TTLL5: variants seen among roughly 807,000 people sequenced by gnomAD.
The protein encoded by TTLL5 is tubulin tyrosine ligase like 5.
TTLL5 carries 132 observed loss-of-function variants against 168.4 expected under a neutral mutation model. The ratio of observed to expected loss-of-function variants is 0.78; its 90% confidence interval spans 0.68 to 0.91. TTLL5 has a LOEUF of 0.91. TTLL5 is among the 40% of genes least tolerant of loss of function. The pLI is 0.00. For synonymous variants in TTLL5, 546 were observed against 558.6 expected (o/e 0.98, Z 0.32); for missense variants, 1,545 against 1,581.5 (o/e 0.98, Z 0.39).
intron 31 of TTLL5, among the ~76,000 whole-genome samples, chr14:75,942,973 G>A (rs753688652): frequency 2.0e-5 from 3 of 152,118 alleles, no homozygotes; most frequent in Admixed American, 6.5e-5. Context: ...AGTGTATAAA[G>A]ACAGTATTAT....
chr14:75,699,979 A>G (rs760623459), intron 7 of TTLL5, among the ~76,000 whole-genome samples: 14 of 152,210 alleles, frequency 9.2e-5, no homozygotes, highest in Non-Finnish European at 1.5e-4. Context: ...TATTGCATTT[A>G]CATCATGTCC....
At chr14:75,874,276 T>C (rs912154476) in intron 29 of TTLL5, among the ~76,000 whole-genome samples, 3 of 152,092 alleles carry the variant, frequency 2.0e-5, no homozygotes, top group African/African-American at 7.2e-5. Flanking sequence ...TATTATTTAG[T>C]AGAGGCGGGG....
chr14:75,870,131 C>G (rs1212688047), intron 29 of TTLL5, among the ~76,000 whole-genome samples: 3 of 151,592 alleles, frequency 2.0e-5, no homozygotes, highest in African/African-American at 7.3e-5. Context: ...CAAGTACTTA[C>G]TGACTCCGAT....
At chr14:75,683,931 G>T (rs934150704) in intron 5 of TTLL5, 3 of 289,648 alleles carry the variant, frequency 1.0e-5, no homozygotes, top group Non-Finnish European at 2.0e-5. Flanking sequence ...GCACCACCAT[G>T]CCCGGCTAAT....
intron 12 of TTLL5, chr14:75,727,891 AC>A (rs1277827387): frequency 2.1e-6 from 1 of 482,352 alleles, no homozygotes; most frequent in African/African-American, 1.9e-5. Flanking sequence ...AGGAAGCAGC[AC>A]AAGGAGTCCT....
In TTLL5 at chr14:75,882,882, A is replaced by G. The variant is rs1245336874; in HGVS notation, c.3720A>G (p.Ala1240=). 7.4e-5 allele frequency: 120 copies of G among 1,614,166 alleles called. No individual in the cohort carries two copies. Among genetic ancestry groups the G allele is most frequent in the Non-Finnish European group, 1.0e-4 (120 of 1,180,018 alleles). ...ACCACGAACAAGTGCTCAGAAGGGC[A>G]ACATCCCAGAAAGCTTCCAAGTAAG... ...PPNHEQVLRR[A]TSQKASKGSS... Residue 1240 remains alanine, a synonymous_variant, in exon 30 of 32, where the codon GCA becomes GCG. Coordinates refer to ENST00000298832, the MANE Select transcript of TTLL5 (RefSeq NM_015072.5).
intron 27 of TTLL5, among the ~76,000 whole-genome samples, chr14:75,796,160 A>G (rs1196343118): frequency 6.6e-6 from 1 of 152,046 alleles, no homozygotes; most frequent in Non-Finnish European, 1.5e-5. Context: ...TGTGGTTTTG[A>G]TTTGCATTTC....
At chr14:75,674,456 G>A (rs1034427073) in intron 3 of TTLL5, among the ~76,000 whole-genome samples, 2 of 152,154 alleles carry the variant, frequency 1.3e-5, no homozygotes, top group Non-Finnish European at 2.9e-5. Flanking sequence ...TGATCTCATC[G>A]TGTTAGATGC....
Position 75,734,026 on chromosome 14 carries a change from AT to A in TTLL5, c.1165del (p.Ser389GlnfsTer7). On this transcript the variant is annotated frameshift_variant, in exon 14 of 32. Transcript: ENST00000298832. LOFTEE classifies it high-confidence loss of function. The part of the protein sequence containing the change: ...PLDLKIKASM[I>X]SDMFTVVGFV... ...GGACCTAAAGATTAAAGCCAGTATG[AT>A]TTCAGATATGTTCACTGTTGTAGGT... 6.2e-7 allele frequency: 1 copy of A among 1,614,082 alleles called. No individual in the cohort carries two copies. Among genetic ancestry groups the A allele is most frequent in the South Asian group, 1.1e-5 (1 of 91,080 alleles).
At chr14:75,681,360 T>C (rs1010050295) in intron 3 of TTLL5, among the ~76,000 whole-genome samples, 185 bp from the exon 4 acceptor site, 1 of 152,230 alleles carries the variant, frequency 6.6e-6, no homozygotes, top group South Asian at 2.1e-4. Flanking sequence ...CCCCCATCTA[T>C]GTCTAATGAC....
At chr14:75,784,464 A>G (rs1458568919) in intron 26 of TTLL5, among the ~76,000 whole-genome samples, 1 of 152,266 alleles carries the variant, frequency 6.6e-6, no homozygotes, top group Non-Finnish European at 1.5e-5. Flanking sequence ...TTGTATGGAT[A>G]TACCACAATT....
chr14:75,948,486 A>T (rs1400649019), intron 31 of TTLL5, among the ~76,000 whole-genome samples: 2 of 146,580 alleles, frequency 1.4e-5, no homozygotes, highest in South Asian at 4.3e-4. Flanking sequence ...ACCCTATCTT[A>T]AAAAAAAAAA....
At chr14:75,867,175 A>G (rs868354760) in intron 29 of TTLL5, among the ~76,000 whole-genome samples, 3 of 152,194 alleles carry the variant, frequency 2.0e-5, no homozygotes. Flanking sequence ...ACAATATGTA[A>G]ATGAATGAGT....
chr14:75,830,377 G>A (rs931695296), intron 28 of TTLL5, among the ~76,000 whole-genome samples: 4 of 152,076 alleles, frequency 2.6e-5, no homozygotes, highest in African/African-American at 4.8e-5. Context: ...TGTACAACAT[G>A]GTGACTATAA....
At chr14:75,703,401 A>G (rs910407193) in intron 7 of TTLL5, among the ~76,000 whole-genome samples, 9 of 152,242 alleles carry the variant, frequency 5.9e-5, no homozygotes, top group African/African-American at 2.2e-4. Context: ...AACACTGAAA[A>G]GAGAAGTGTG....
At chr14:75,862,921 T>A (rs2030148240) in intron 28 of TTLL5, among the ~76,000 whole-genome samples, 1 of 152,202 alleles carries the variant, frequency 6.6e-6, no homozygotes, top group African/African-American at 2.4e-5. Flanking sequence ...CACTCCATTC[T>A]GGGCTACAGA....
chr14:75,815,913 A>G (rs1894364500), intron 27 of TTLL5, among the ~76,000 whole-genome samples: 1 of 152,236 alleles, frequency 6.6e-6, no homozygotes, highest in South Asian at 2.1e-4. Context: ...ACTAAGTGAA[A>G]TATAAAACCC....
chr14:75,669,640 T>C (rs1161050136), intron 3 of TTLL5, 118 bp downstream of exon 3: 1 of 652,542 alleles, frequency 1.5e-6, no homozygotes, highest in Non-Finnish European at 2.4e-6. Flanking sequence ...AAAAATCAAT[T>C]GAGTTGTTAT....
chr14:75,878,349 C>T (rs887631676), intron 29 of TTLL5, among the ~76,000 whole-genome samples: 2 of 152,194 alleles, frequency 1.3e-5, no homozygotes, highest in Non-Finnish European at 2.9e-5. Flanking sequence ...ACCCATGCTC[C>T]TTCTGTCTTT....
Sources: gnomAD v4.1 joint callset for allele counts (sites outside exome capture counted in the v4.1 genomes callset) on GRCh38, gnomAD v4.1.1 for gene constraint, MANE v1.5 for transcripts, NCBI Gene and HGNC (gene_info 2026-07-23, HGNC 2026-07-21) for gene names.